The following BBS9 variants were observed in gnomAD, a reference collection of about 807,000 sequenced individuals.
The protein encoded by BBS9 is Bardet-Biedl syndrome 9.
A neutral mutation model predicts 117.7 loss-of-function variants in BBS9; 89 were observed. The ratio of observed to expected loss-of-function variants is 0.76; its 90% CI spans 0.64 to 0.90. The LOEUF (loss-of-function observed/expected upper bound fraction) is 0.90, where lower values mean the gene tolerates loss of function less well. Among genes scored for constraint, BBS9 ranks in the 40% least tolerant of loss-of-function variants. The pLI, the probability that BBS9 is intolerant of heterozygous loss-of-function variation, is 0.00. For synonymous variants in BBS9, 379 were observed against 370.9 expected (o/e 1.02, Z -0.25); for missense variants, 982 against 1,042.2 (o/e 0.94, Z 0.80).
At chr7:33,445,293 A>G (rs577238839) in intron 19 of BBS9, among the ~76,000 whole-genome samples, 107 of 152,310 alleles carry the variant, frequency 7.0e-4, no homozygotes, top group Non-Finnish European at 1.2e-3. Flanking sequence ...TTATTATTTT[A>G]GCTAATGCTC....
intron 17 of BBS9, among the ~76,000 whole-genome samples, chr7:33,373,146 C>CA (rs1823172594): frequency 6.6e-6 from 1 of 151,956 alleles, no homozygotes; most frequent in Non-Finnish European, 1.5e-5. Context: ...AAAGTACACG[C>CA]ACACTCTCTC....
At chr7:33,294,293 CTAT>C in intron 9 of BBS9, among the ~76,000 whole-genome samples, 3 of 6,718 alleles carry the variant, frequency 4.5e-4, no homozygotes. Context: ...TATCTATCAT[CTAT>C]CTATCTATCT....
intron 19 of BBS9, among the ~76,000 whole-genome samples, chr7:33,452,195 C>CT (rs201032164): frequency 0.048 from 7,003 of 145,002 alleles, 355 homozygotes; most frequent in East Asian, 0.26. Flanking sequence ...TTATTTTTAT[C>CT]TTTTTTTTTT....
intron 20 of BBS9, among the ~76,000 whole-genome samples, chr7:33,516,935 A>C (rs1389195194): frequency 1.3e-5 from 2 of 152,204 alleles, no homozygotes; most frequent in African/African-American, 4.8e-5. Context: ...TAACAGGAAT[A>C]TGTTTCATTT....
chr7:33,369,340 A>T (rs1222722818), intron 17 of BBS9, among the ~76,000 whole-genome samples: 1 of 152,218 alleles, frequency 6.6e-6, no homozygotes, highest in Non-Finnish European at 1.5e-5. Context: ...GCAAATGAAT[A>T]TATTTATATC....
chr7:33,354,014 A>G (rs1046371680), intron 15 of BBS9, among the ~76,000 whole-genome samples: 2 of 152,122 alleles, frequency 1.3e-5, no homozygotes, highest in Non-Finnish European at 2.9e-5. Flanking sequence ...GATTAGTTTT[A>G]AGTTTAAAAA....
intron 9 of BBS9, among the ~76,000 whole-genome samples, chr7:33,323,382 A>G (rs747782187): frequency 1.3e-5 from 2 of 152,176 alleles, no homozygotes; most frequent in Non-Finnish European, 2.9e-5. Flanking sequence ...CTTTTGCTCT[A>G]GTAATAATTT....
chr7:33,565,810 T>G, intron 21 of BBS9, among the ~76,000 whole-genome samples: 1 of 44,150 alleles, frequency 2.3e-5, no homozygotes, highest in Admixed American at 2.3e-4. Context: ...TATATATATA[T>G]ATATATATAT....
At chr7:33,336,940 G>A (rs1815503605) in intron 10 of BBS9, among the ~76,000 whole-genome samples, 3 of 152,122 alleles carry the variant, frequency 2.0e-5, no homozygotes. Flanking sequence ...CTTGAGAAGA[G>A]CATTAAAATT....
chr7:33,238,966 A>G (rs1794012160), intron 5 of BBS9, among the ~76,000 whole-genome samples: 1 of 152,154 alleles, frequency 6.6e-6, no homozygotes, highest in Non-Finnish European at 1.5e-5. Context: ...TTGAATCTCC[A>G]TGAGTGTTCA....
At chr7:33,584,864 G>A (rs1860617431) in intron 21 of BBS9, among the ~76,000 whole-genome samples, 1 of 152,026 alleles carries the variant, frequency 6.6e-6, no homozygotes, top group South Asian at 2.1e-4. Context: ...CCACTGTCCA[G>A]CATCTTTAGA....
rs774810180 is a variant in BBS9, at chr7:33,306,683, C to T, written c.1017-29758C>T. Among the ~76,000 whole-genome samples, 8 of 152,068 alleles carry T rather than the reference C, an allele frequency of 5.3e-5. No homozygotes were observed. The East Asian group carries it at 7.7e-4, about 15-fold the overall frequency. On this transcript the variant is annotated intron_variant, in intron 9 of 22. Transcript: ENST00000242067. ...GAAAAATTTGTTTTGTAAGAGTAGA[C>T]GTACAAAAAGCATATGCTATTGTTA...
chr7:33,445,769 C>T (rs994341958), intron 19 of BBS9, among the ~76,000 whole-genome samples: 3 of 152,100 alleles, frequency 2.0e-5, no homozygotes, highest in African/African-American at 2.4e-5. Flanking sequence ...ATGCTGTTCT[C>T]GTGATAGTAA....
At position 33,574,741 on chromosome 7, in the gene BBS9, A is replaced by C. The variant is rs1462733988; in HGVS notation, c.2522-30124A>C. On this transcript the variant is annotated intron_variant, in intron 21 of 22. Coordinates refer to ENST00000242067, the MANE Select transcript of BBS9 (RefSeq NM_198428.3). ...CACACACACACGCGCACACACACAC[A>C]CTTTCACTATTTATTTATTTTATAT... is the stretch of plus-strand genomic sequence containing the variant. 2.0e-5 allele frequency among the ~76,000 whole-genome samples: 3 copies of C among 151,200 alleles called. No individual in the cohort carries two copies. In the South Asian group the frequency reaches 6.3e-4, roughly 32 times the overall value.
At chr7:33,525,691 A>G in intron 20 of BBS9, among the ~76,000 whole-genome samples, 1 of 127,876 alleles carries the variant, frequency 7.8e-6, no homozygotes, top group Non-Finnish European at 1.6e-5. Context: ...ATGGGTCTTG[A>G]CTCTTTATCC....
intron 21 of BBS9, among the ~76,000 whole-genome samples, chr7:33,572,892 A>G (rs1160190445): frequency 6.6e-6 from 1 of 151,924 alleles, no homozygotes; most frequent in Admixed American, 6.6e-5. Flanking sequence ...TGATGGATTC[A>G]TTTTATTCAG....
intron 17 of BBS9, among the ~76,000 whole-genome samples, chr7:33,376,591 T>C (rs1305724609): frequency 1.3e-5 from 2 of 152,216 alleles, no homozygotes; most frequent in African/African-American, 2.4e-5. Flanking sequence ...ATGGCAGTTA[T>C]GTTTTAGTTT....
chr7:33,408,219 A>G (rs1177284174), intron 19 of BBS9, among the ~76,000 whole-genome samples: 3 of 152,148 alleles, frequency 2.0e-5, no homozygotes, highest in Non-Finnish European at 4.4e-5. Flanking sequence ...GCGAGACTCC[A>G]TGGGTGTAGG....
intron 19 of BBS9, among the ~76,000 whole-genome samples, chr7:33,497,145 C>A (rs1055595950): frequency 3.9e-5 from 6 of 152,096 alleles, no homozygotes; most frequent in African/African-American, 7.2e-5. Flanking sequence ...TTAGAGCTGT[C>A]TGTTTGGTGT....
Sources: allele counts gnomAD v4.1 joint callset (sites outside exome capture counted in the v4.1 genomes callset), GRCh38; gene constraint gnomAD v4.1.1; transcripts MANE v1.5; gene names NCBI Gene and HGNC (gene_info 2026-07-23, HGNC 2026-07-21).